The following ULK4 variants were observed in gnomAD, a reference collection of about 807,000 sequenced individuals.
ULK4 encodes unc-51 like kinase 4.
In ULK4, 133 loss-of-function variants were observed where a neutral mutation model predicts 160.6. The observed-to-expected ratio is 0.83, with a 90% CI of 0.72 to 0.96. The LOEUF (loss-of-function observed/expected upper bound fraction) is 0.96. ULK4 is among the 40% of genes least tolerant of loss of function. The pLI is 0.00. For missense variants in ULK4, 1,580 were observed against 1,499.5 expected (o/e 1.05, Z -0.89); for synonymous variants, 534 against 539.8 (o/e 0.99, Z 0.15).
chr3:41,252,937 A>G (rs1370821155), intron 35 of ULK4, among the ~76,000 whole-genome samples: 1 of 152,166 alleles, frequency 6.6e-6, no homozygotes, highest in Non-Finnish European at 1.5e-5. Flanking sequence ...GGGTAACAAT[A>G]ATTTGAATTA....
intron 21 of ULK4, among the ~76,000 whole-genome samples, chr3:41,762,655 C>CTT (rs35695794): frequency 0.1 from 9,109 of 88,922 alleles, 731 homozygotes; most frequent in Middle Eastern, 0.17. Flanking sequence ...AAGTGTTACA[C>CTT]TTTTTTTTTT....
chr3:41,933,830 A>T (rs944588252), intron 4 of ULK4, among the ~76,000 whole-genome samples: 1 of 152,102 alleles, frequency 6.6e-6, no homozygotes, highest in African/African-American at 2.4e-5. Flanking sequence ...CAGTAGGATC[A>T]CCTGAGGTCA....
intron 35 of ULK4, among the ~76,000 whole-genome samples, chr3:41,312,106 T>G (rs2080062620): frequency 6.6e-6 from 1 of 152,050 alleles, no homozygotes; most frequent in African/African-American, 2.4e-5. Context: ...CCTGATTAGC[T>G]GGGGCTTACA....
At chr3:41,385,046 T>C (rs1240973178) in intron 35 of ULK4, among the ~76,000 whole-genome samples, 2 of 151,950 alleles carry the variant, frequency 1.3e-5, no homozygotes, top group African/African-American at 4.8e-5. Flanking sequence ...AGAGAGACCT[T>C]GTCTCAAAAA....
intron 20 of ULK4, among the ~76,000 whole-genome samples, chr3:41,799,864 A>T (rs993045900): frequency 6.6e-6 from 1 of 152,162 alleles, no homozygotes; most frequent in Non-Finnish European, 1.5e-5. Context: ...CTCTGTCTCA[A>T]AATAAATAAA....
chr3:41,954,192 A>AT (rs1421120687), intron 2 of ULK4, among the ~76,000 whole-genome samples: 1 of 148,800 alleles, frequency 6.7e-6, no homozygotes, highest in Non-Finnish European at 1.5e-5. Flanking sequence ...AAAAAAAAAA[A>AT]AAAGAAAAAT....
At position 41,316,765 on chromosome 3, in the gene ULK4, A is replaced by C. The variant is rs1004909115; in HGVS notation, c.3679-67191T>G. On this transcript the variant is annotated intron_variant, in intron 35 of 36. Coordinates refer to ENST00000301831, the MANE Select transcript of ULK4 (RefSeq NM_017886.4). The stretch of plus-strand genomic sequence containing the variant: ...TTGAAATTTAAAAAATGGATATATT[A>C]TTTTCCCTTCTCTCAACTACTGTGC... Among the ~76,000 whole-genome samples the C allele has an allele frequency of 2.6e-4, 39 of 152,208 alleles. 1 individual carries two copies. The highest frequency in any genetic ancestry group is 9.2e-4 in the African/African-American group (38 of 41,520).
At chr3:41,949,519 G>A (rs1342235232) in intron 2 of ULK4, among the ~76,000 whole-genome samples, 1 of 146,924 alleles carries the variant, frequency 6.8e-6, no homozygotes, top group Non-Finnish European at 1.5e-5. Context: ...TGCAACCTCT[G>A]CCTTCCAGGT....
At chr3:41,291,290 T>A (rs1042783145) in intron 35 of ULK4, among the ~76,000 whole-genome samples, 1 of 141,978 alleles carries the variant, frequency 7.0e-6, no homozygotes, top group South Asian at 2.3e-4. Flanking sequence ...AAGAGAGAGA[T>A]AAGTATAAGA....
chr3:41,856,549 GTGTATATA>G (rs2042350189), intron 17 of ULK4, among the ~76,000 whole-genome samples: 1 of 57,970 alleles, frequency 1.7e-5, no homozygotes. Context: ...ATATATATAT[GTGTATATA>G]TATACACATA....
intron 34 of ULK4, among the ~76,000 whole-genome samples, chr3:41,420,781 G>A (rs1382929064): frequency 3.3e-5 from 5 of 149,482 alleles, no homozygotes; most frequent in Admixed American, 1.3e-4. Context: ...CACCGTGCCC[G>A]GCCTGGTTCT....
chr3:41,409,689 C>T (rs1315851532), intron 34 of ULK4, among the ~76,000 whole-genome samples: 1 of 152,118 alleles, frequency 6.6e-6, no homozygotes, highest in Non-Finnish European at 1.5e-5. Flanking sequence ...TGGCTCGCAC[C>T]TGTAATCCCA....
At chr3:41,817,595 AAAC>A in intron 19 of ULK4, among the ~76,000 whole-genome samples, 1 of 152,236 alleles carries the variant, frequency 6.6e-6, no homozygotes, top group South Asian at 2.1e-4. Context: ...AGAAAGAAGG[AAAC>A]AACAGACACT....
intron 25 of ULK4, among the ~76,000 whole-genome samples, chr3:41,709,988 A>G (rs1024895572): frequency 9.2e-5 from 14 of 152,164 alleles, no homozygotes; most frequent in African/African-American, 3.4e-4. Flanking sequence ...GGAAGAGATC[A>G]CAGGAAAGGA....
chr3:41,720,482 TA>T (rs2037412150), intron 22 of ULK4, among the ~76,000 whole-genome samples: 2 of 150,170 alleles, frequency 1.3e-5, no homozygotes, highest in South Asian at 4.3e-4. Context: ...TGGAGAAAAA[TA>T]TTTCCATTCC....
At chr3:41,843,401 C>A (rs753263942) in intron 17 of ULK4, among the ~76,000 whole-genome samples, 1 of 152,060 alleles carries the variant, frequency 6.6e-6, no homozygotes, top group South Asian at 2.1e-4. Flanking sequence ...AGCTGCGGAC[C>A]CTCGCGGTGA....
At chr3:41,535,677 T>C (rs2086473673) in intron 32 of ULK4, among the ~76,000 whole-genome samples, 2 of 152,218 alleles carry the variant, frequency 1.3e-5, no homozygotes, top group African/African-American at 4.8e-5. Flanking sequence ...TTCATGAATC[T>C]ACACACACTA....
Position 41,675,783 on chromosome 3 carries a change from G to A in ULK4, c.2978+5725C>T, listed in dbSNP as rs115554482. On this transcript the variant is annotated intron_variant, in intron 29 of 36. Coordinates refer to ENST00000301831, the MANE Select transcript of ULK4 (RefSeq NM_017886.4). ...CACTACAAACCAAATATCACTTGCA[G>A]ACATCAGAGGCACAGAATGGATTCT... is the stretch of plus-strand genomic sequence containing the variant. Among the ~76,000 whole-genome samples, 390 of 152,264 alleles carry A rather than the reference G, an allele frequency of 2.6e-3. 3 individuals are homozygous for A. Among genetic ancestry groups the A allele is most frequent in the African/African-American group, 9.1e-3 (378 of 41,566 alleles).
intron 32 of ULK4, among the ~76,000 whole-genome samples, chr3:41,558,994 T>A (rs1377285942): frequency 7.6e-6 from 1 of 131,218 alleles, no homozygotes; most frequent in African/African-American, 2.6e-5. Flanking sequence ...TCATTTAACA[T>A]TAGGTGTATC....
Sources: allele counts gnomAD v4.1 joint callset (sites outside exome capture counted in the v4.1 genomes callset), GRCh38; gene constraint gnomAD v4.1.1; transcripts MANE v1.5; gene names NCBI Gene and HGNC (gene_info 2026-07-23, HGNC 2026-07-21).